The following SCNN1B variants were observed in gnomAD, a reference collection of about 807,000 sequenced individuals.
SCNN1B encodes epithelial sodium channel subunit beta.
A neutral mutation model predicts 65.3 loss-of-function variants in SCNN1B; 46 were observed. The observed-to-expected ratio is 0.70, with a 90% CI of 0.56 to 0.90. The LOEUF is 0.90. Ranked by LOEUF, SCNN1B falls within the 40% of genes least tolerant of loss-of-function variation. The pLI, the probability that SCNN1B is intolerant of heterozygous loss-of-function variation, is 0.00. For missense variants in SCNN1B, 751 were observed against 830.5 expected (o/e 0.90, Z 1.18); for synonymous variants, 349 against 330.6 (o/e 1.06, Z -0.60).
At chr16:23,315,111 C>A (rs1246301538) in intron 1 of SCNN1B, among the ~76,000 whole-genome samples, 2 of 151,880 alleles carry the variant, frequency 1.3e-5, no homozygotes, top group African/African-American at 2.4e-5. Context: ...CCAAGGCGGG[C>A]GGATCACCTG....
chr16:23,294,822 A>G lies in SCNN1B; in HGVS notation n.178+11018A>G, dbSNP rs142043441. ...AGCCTGACCAACATGGTGAAATCTC[A>G]TCTCTACTAAAAATACAAAAATTAT... On this transcript the variant is annotated intron_variant and non_coding_transcript_variant, in intron 2 of 3. Transcript: ENST00000569789. 3.3e-4 allele frequency among the ~76,000 whole-genome samples: 50 copies of G among 151,804 alleles called. No homozygotes were observed. The East Asian group carries it at 4.1e-3, about 12-fold the overall frequency.
chr16:23,325,120 C>T (rs766077036), intron 1 of SCNN1B, among the ~76,000 whole-genome samples: 3 of 152,198 alleles, frequency 2.0e-5, no homozygotes, highest in Non-Finnish European at 4.4e-5. Context: ...GCCACCTCCT[C>T]TGAAATCCCT....
rs549675452 is a variant in SCNN1B at position 23,380,749 on chromosome 16, G to A, written c.1871G>A (p.Arg624His). 4.5e-5 allele frequency: 72 copies of A among 1,612,538 alleles called. No homozygotes were observed. The highest frequency in any genetic ancestry group is 1.5e-4 in the South Asian group (14 of 91,054). ...GTPPPNYDSLRLQPLDVIESD... is the reference protein window; with the variant it reads ...GTPPPNYDSLHLQPLDVIESD... ...CCGCCCCCCAACTATGACTCCCTGC[G>A]TCTGCAGCCGCTGGACGTCATCGAG... Residue 624 changes from arginine (R) to histidine (H), a missense_variant, in exon 13 of 13, where the codon CGT (arginine) becomes CAT (histidine). Transcript: ENST00000343070. This position sits in a 1 kb window ranked among gnomAD's most constrained non-coding sequence, Gnocchi z 5.4.
chr16:23,371,209 G>T, intron 5 of SCNN1B, 90 bp from the exon 6 acceptor site: 1 of 1,479,202 alleles, frequency 6.8e-7, no homozygotes, highest in Non-Finnish European at 9.3e-7. Flanking sequence ...GAGGTCCCCT[G>T]GCCGGAGGGA....
At chr16:23,334,892 G>A (rs146793602) in intron 1 of SCNN1B, among the ~76,000 whole-genome samples, 7 of 152,150 alleles carry the variant, frequency 4.6e-5, no homozygotes, top group African/African-American at 1.4e-4. Flanking sequence ...GCACATAAAC[G>A]TGTTTTTTTC....
In SCNN1B at chr16:23,333,149, AGAAGGAAGGAAGGAAGGAAG is replaced by A. The variant is rs57483761; in HGVS notation, c.-8-15398_-8-15379del. ...AGGGAGGGAGGGAGGAAGGAAGGAA[AGAAGGAAGGAAGGAAGGAAG>A]GAAGGAAGGAAGGAAGGAAGGAAGG... On this transcript the variant is annotated intron_variant, in intron 1 of 12. Transcript: ENST00000343070. 4.8e-3 allele frequency among the ~76,000 whole-genome samples: 430 copies of A among 89,514 alleles called. 3 individuals are homozygous for A. Among genetic ancestry groups the A allele is most frequent in the Non-Finnish European group, 7.2e-3 (323 of 44,600 alleles). The allele number at this position is 89,514 out of a possible 152,430, so 58.7% of individuals were successfully genotyped here.
upstream of SCNN1B, among the ~76,000 whole-genome samples, chr16:23,300,205 A>G (rs1231683262): frequency 6.6e-6 from 1 of 152,140 alleles, no homozygotes; most frequent in African/African-American, 2.4e-5. Context: ...GTGGAGGGCT[A>G]GGGGACGGAG....
At chr16:23,290,174 G>A (rs1960904073) in intron 2 of SCNN1B, among the ~76,000 whole-genome samples, 1 of 152,178 alleles carries the variant, frequency 6.6e-6, no homozygotes, top group South Asian at 2.1e-4. Flanking sequence ...GATTAAGAGA[G>A]TTAGTAGATA....
intron 1 of SCNN1B, among the ~76,000 whole-genome samples, chr16:23,305,554 A>AAAAATAT (rs1215930437): frequency 7.7e-5 from 3 of 38,798 alleles, no homozygotes; most frequent in African/African-American, 6.5e-4. Context: ...ATATATATAT[A>AAAAATAT]TATATATATA....
chr16:23,287,193 TG>T (rs1029548132), intron 2 of SCNN1B, among the ~76,000 whole-genome samples: 44 of 151,830 alleles, frequency 2.9e-4, no homozygotes, highest in African/African-American at 1.0e-3. Flanking sequence ...TTAGTAGTGA[TG>T]GGGTTTTGCC....
At chr16:23,335,891 G>T (rs1471815348) in intron 1 of SCNN1B, among the ~76,000 whole-genome samples, 3 of 152,154 alleles carry the variant, frequency 2.0e-5, no homozygotes, top group Non-Finnish European at 4.4e-5. Context: ...GGCTGTGGAG[G>T]AAGCCACTTT....
chr16:23,371,536 T>TGG (rs1477532967), intron 6 of SCNN1B, 74 bp downstream of exon 6: 5 of 1,478,128 alleles, frequency 3.4e-6, no homozygotes, highest in Non-Finnish European at 3.8e-6. Flanking sequence ...CAACTGCCCT[T>TGG]GGCCTGGGAG....
intron 2 of SCNN1B, among the ~76,000 whole-genome samples, chr16:23,296,623 A>T (rs1961000870): frequency 6.6e-6 from 1 of 152,118 alleles, no homozygotes; most frequent in Admixed American, 6.6e-5. Flanking sequence ...AGGGATAACA[A>T]AAAGGACATG....
chr16:23,375,501 C>T (rs1396116331), intron 7 of SCNN1B, among the ~76,000 whole-genome samples: 1 of 152,158 alleles, frequency 6.6e-6, no homozygotes, highest in Non-Finnish European at 1.5e-5. Flanking sequence ...TGCGGTCTGG[C>T]CTGGGTCCCT....
chr16:23,343,581 G>GAGAAAA (rs1962108513), intron 1 of SCNN1B, among the ~76,000 whole-genome samples: 1 of 70,324 alleles, frequency 1.4e-5, no homozygotes, highest in African/African-American at 6.3e-5. Context: ...GAAAGAAAAA[G>GAGAAAA]AGAAAGAAAG....
rs540056051 is a variant in SCNN1B at position 23,354,185 on chromosome 16, T to C, written c.585+1111T>C. On this transcript the variant is annotated intron_variant, in intron 3 of 12. Coordinates refer to ENST00000343070, the MANE Select transcript of SCNN1B (RefSeq NM_000336.3). ...CCTTCCTTAACCTCCTGGGCCTCAA[T>C]TTCCTCATGATGATGGGGATAACAA... Among the ~76,000 whole-genome samples the C allele has an allele frequency of 5.1e-4, 77 of 152,328 alleles. 1 individual carries two copies. The highest frequency in any genetic ancestry group is 1.6e-3 in the Admixed American group (24 of 15,302).
chr16:23,379,735 C>T (rs1218683566), intron 11 of SCNN1B, among the ~76,000 whole-genome samples: 2 of 152,118 alleles, frequency 1.3e-5, no homozygotes, highest in Non-Finnish European at 2.9e-5. Context: ...TGGGGCTGTC[C>T]CAGGCCAGAG....
At chr16:23,314,741 G>C (rs67135208) in intron 1 of SCNN1B, among the ~76,000 whole-genome samples, 13,010 of 152,234 alleles carry the variant, frequency 0.085, 1,901 homozygotes, top group African/African-American at 0.3. Context: ...GGTGAAGATT[G>C]TAATCTCCCC....
At chr16:23,317,751 A>G (rs60741651) in intron 1 of SCNN1B, among the ~76,000 whole-genome samples, 13,041 of 152,246 alleles carry the variant, frequency 0.086, 1,907 homozygotes, top group African/African-American at 0.3. Flanking sequence ...AGTAAAGGTG[A>G]GCACCGAAGG....
Sources: allele counts gnomAD v4.1 joint callset (sites outside exome capture counted in the v4.1 genomes callset), GRCh38; gene constraint gnomAD v4.1.1; non-coding constraint Gnocchi (gnomAD v3.1); transcripts MANE v1.5; gene names NCBI Gene and HGNC (gene_info 2026-07-23, HGNC 2026-07-21).